CSMD3: variants seen among roughly 807,000 people sequenced by gnomAD.
CSMD3 encodes the protein CUB and Sushi multiple domains 3.
A neutral mutation model predicts 435.2 loss-of-function variants in CSMD3; 177 were observed. The ratio of observed to expected loss-of-function variants is 0.41; its 90% CI spans 0.36 to 0.46. The LOEUF (loss-of-function observed/expected upper bound fraction) is 0.46, where lower values mean the gene tolerates loss of function less well. CSMD3 is among the 20% of genes least tolerant of loss of function. CSMD3 has a pLI of 0.34. For synonymous variants in CSMD3, 1,656 were observed against 1,520.5 expected, an observed-to-expected ratio of 1.09 and a Z score of -2.07; for missense variants, 4,265 against 4,504.6, an observed-to-expected ratio of 0.95 and a Z score of 1.52.
At chr8:112,748,626 G>A (rs1344498147) in intron 13 of CSMD3, among the ~76,000 whole-genome samples, 1 of 152,090 alleles carries the variant, frequency 6.6e-6, no homozygotes, top group Admixed American at 6.6e-5. Flanking sequence ...GTTTACTAAG[G>A]ATAATAGCTT....
At chr8:112,345,136 G>T (rs1171286146) in intron 41 of CSMD3, among the ~76,000 whole-genome samples, 3 of 152,082 alleles carry the variant, frequency 2.0e-5, no homozygotes, top group Non-Finnish European at 4.4e-5. Context: ...CACACTGTTG[G>T]TGGGAATAAA....
intron 6 of CSMD3, among the ~76,000 whole-genome samples, chr8:112,991,791 A>C (rs2085465987): frequency 6.6e-6 from 1 of 151,896 alleles, no homozygotes; most frequent in South Asian, 2.1e-4. Context: ...CAACCCAGTG[A>C]AGTGATGTTT....
chr8:112,237,358 G>C lies in CSMD3; in HGVS notation c.10469-10C>G, dbSNP rs1036837660. 6.4e-7 allele frequency: 1 copy of C among 1,574,598 alleles called. No individual in the cohort carries two copies. The highest frequency in any genetic ancestry group is 8.7e-7 in the Non-Finnish European group (1 of 1,144,408). ...AATACATCATCAGGAACTGTGAATA[G>C]ATTAAATATACCACACATTAATTTT... On this transcript the variant is annotated splice_polypyrimidine_tract_variant and intron_variant, in intron 66 of 70. Coordinates refer to ENST00000297405, the MANE Select transcript of CSMD3 (RefSeq NM_198123.2).
intron 10 of CSMD3, among the ~76,000 whole-genome samples, chr8:112,916,262 G>A (rs1250638371): frequency 1.3e-5 from 2 of 151,778 alleles, no homozygotes; most frequent in Non-Finnish European, 2.9e-5. Context: ...GGGCACCCTT[G>A]AAATGCAAAA....
At chr8:112,729,555 G>GA (rs1436610962) in intron 13 of CSMD3, among the ~76,000 whole-genome samples, 18 of 152,034 alleles carry the variant, frequency 1.2e-4, no homozygotes, top group Middle Eastern at 3.2e-3. Flanking sequence ...TAACTTTTCG[G>GA]AAAAATGATC....
chr8:112,606,471 C>T (rs1385920447), intron 22 of CSMD3, among the ~76,000 whole-genome samples: 1 of 152,134 alleles, frequency 6.6e-6, no homozygotes, highest in Non-Finnish European at 1.5e-5. Flanking sequence ...GATGCTTTGC[C>T]TCCAGAACCC....
At chr8:113,353,918 A>G (rs1038100968) in intron 1 of CSMD3, among the ~76,000 whole-genome samples, 3 of 152,086 alleles carry the variant, frequency 2.0e-5, no homozygotes, top group African/African-American at 4.8e-5. Context: ...TCAGTGACCT[A>G]CTTAGCTTTT....
chr8:112,461,559 T>C (rs2130681213), intron 32 of CSMD3, among the ~76,000 whole-genome samples: 1 of 152,286 alleles, frequency 6.6e-6, no homozygotes, highest in Non-Finnish European at 1.5e-5. Flanking sequence ...CAAGGAATTA[T>C]TTTGTGCCTA....
chr8:113,035,088 A>C (rs1207253313), intron 5 of CSMD3, among the ~76,000 whole-genome samples: 1 of 152,026 alleles, frequency 6.6e-6, no homozygotes, highest in African/African-American at 2.4e-5. Context: ...AAAGAAAACA[A>C]TCTATGCAGG....
intron 13 of CSMD3, among the ~76,000 whole-genome samples, chr8:112,749,588 G>A (rs1361333313): frequency 6.6e-6 from 1 of 151,990 alleles, no homozygotes; most frequent in East Asian, 1.9e-4. Context: ...TTTAAAATTA[G>A]AATTAGCTCT....
intron 10 of CSMD3, among the ~76,000 whole-genome samples, chr8:112,898,592 T>A (rs896138519): frequency 6.6e-6 from 1 of 151,228 alleles, no homozygotes; most frequent in Non-Finnish European, 1.5e-5. Flanking sequence ...TAGTAGTGCT[T>A]ATTTTCACAT....
chr8:112,984,962 T>C (rs1488658050), intron 6 of CSMD3, among the ~76,000 whole-genome samples: 1 of 151,626 alleles, frequency 6.6e-6, no homozygotes, highest in African/African-American at 2.4e-5. Flanking sequence ...ACAAATTAAA[T>C]GACTATTATA....
In CSMD3 at chr8:113,298,996, T is replaced by C. The variant is rs1171639371; in HGVS notation, c.401+15575A>G. 2.6e-5 allele frequency among the ~76,000 whole-genome samples: 4 copies of C among 152,188 alleles called. No individual in the cohort carries two copies. In the East Asian group the frequency reaches 7.7e-4, roughly 29 times the overall value. ...TGAATACATATTAATTTTTATACTG[T>C]AGTCTAACAGAGACAGAAAAATGTA... On this transcript the variant is annotated intron_variant, in intron 2 of 70. Transcript: ENST00000297405.
chr8:113,194,235 C>T (rs1251414024), intron 3 of CSMD3, among the ~76,000 whole-genome samples: 4 of 151,210 alleles, frequency 2.6e-5, no homozygotes, highest in Non-Finnish European at 4.4e-5. Context: ...GACAAAACTA[C>T]ATAGTGAAAT....
chr8:112,964,070 T>C (rs2084330239), intron 7 of CSMD3, among the ~76,000 whole-genome samples: 1 of 151,952 alleles, frequency 6.6e-6, no homozygotes, highest in African/African-American at 2.4e-5. Flanking sequence ...GTACTCTATG[T>C]GTACTATCTC....
chr8:112,939,321 C>T (rs1047045508), intron 9 of CSMD3, among the ~76,000 whole-genome samples: 8 of 151,884 alleles, frequency 5.3e-5, no homozygotes, highest in Non-Finnish European at 8.8e-5. Flanking sequence ...ATTGGGAAAA[C>T]GACAGGAAAA....
At chr8:112,615,719 A>G (rs1833614101) in intron 22 of CSMD3, among the ~76,000 whole-genome samples, 2 of 152,124 alleles carry the variant, frequency 1.3e-5, no homozygotes, top group Admixed American at 1.3e-4. Flanking sequence ...GAGTTCTGGT[A>G]TTCTGGAGCA....
intron 38 of CSMD3, among the ~76,000 whole-genome samples, chr8:112,362,369 T>C (rs574532866): frequency 6.6e-6 from 1 of 152,132 alleles, no homozygotes; most frequent in African/African-American, 2.4e-5. Flanking sequence ...CCTTGATCCT[T>C]AATACTTTAT....
At chr8:113,201,172 T>C (rs2092712663) in intron 3 of CSMD3, among the ~76,000 whole-genome samples, 2 of 152,002 alleles carry the variant, frequency 1.3e-5, no homozygotes, top group African/African-American at 4.8e-5. Context: ...AAAAGGATTC[T>C]AAAATGCTAA....
Sources: allele counts gnomAD v4.1 joint callset (sites outside exome capture counted in the v4.1 genomes callset), GRCh38; gene constraint gnomAD v4.1.1; transcripts MANE v1.5; gene names NCBI Gene and HGNC (gene_info 2026-07-23, HGNC 2026-07-21).